CIMAP3: variants seen among roughly 807,000 people sequenced by gnomAD.
CIMAP3 encodes ciliary microtubule-associated protein 3.
At chr1:111,349,694 T>G in the CIMAP3 span, 1 of 155,176 alleles carries the variant, frequency 6.4e-6, no homozygotes, top group African/African-American at 2.4e-5. Flanking sequence ...TAACTGGCTT[T>G]GCTTTGCTTT....
At chr1:111,348,475 C>T in the CIMAP3 span, 1 of 1,543,452 alleles carries the variant, frequency 6.5e-7, no homozygotes, top group Non-Finnish European at 8.7e-7. Flanking sequence ...TATATATATA[C>T]ATATCACTCT....
At chr1:111,352,224 G>A in the CIMAP3 span, 1 of 152,492 alleles carries the variant, frequency 6.6e-6, no homozygotes. Flanking sequence ...CAAGTATATA[G>A]TTTGTTCAGG....
At chr1:111,348,875 G>A in the CIMAP3 span, 1 of 373,074 alleles carries the variant, frequency 2.7e-6, no homozygotes, top group Non-Finnish European at 4.7e-6. Context: ...AGTTTTGTAG[G>A]TTCGATAGAT....
At chr1:111,350,058 G>A in the CIMAP3 span, 2 of 1,485,820 alleles carry the variant, frequency 1.3e-6, no homozygotes, top group Non-Finnish European at 1.9e-6. Context: ...TGGAGTTTGT[G>A]TATGATCACT....
chr1:111,329,127 A>G, the CIMAP3 span, among the ~76,000 whole-genome samples: 17 of 152,152 alleles, frequency 1.1e-4, no homozygotes, highest in Non-Finnish European at 2.2e-4. Context: ...TGGATATGAA[A>G]TTCTTGGTTG....
At chr1:111,326,884 G>C in the CIMAP3 span, among the ~76,000 whole-genome samples, 1 of 151,978 alleles carries the variant, frequency 6.6e-6, no homozygotes, top group East Asian at 1.9e-4. Flanking sequence ...CCATTTCTTT[G>C]TCTTCTTTTG....
the CIMAP3 span, among the ~76,000 whole-genome samples, chr1:111,325,988 GAA>G: frequency 5.2e-4 from 79 of 152,190 alleles, no homozygotes; most frequent in African/African-American, 1.9e-3. Context: ...CCATTGAAAT[GAA>G]AAGAGGAAGA....
At chr1:111,348,377 T>C in the CIMAP3 span, 3 of 895,210 alleles carry the variant, frequency 3.4e-6, no homozygotes, top group African/African-American at 1.7e-5. Context: ...CGAAGACTTA[T>C]TTCTGTAGCT....
At chr1:111,335,127 CAAAAAAAAAAAAA>C in the CIMAP3 span, among the ~76,000 whole-genome samples, 1 of 29,318 alleles carries the variant, frequency 3.4e-5, no homozygotes, top group Non-Finnish European at 6.1e-5. Context: ...GTCTCTGTCT[CAAAAAAAAAAAAA>C]AAAAAAAAAA....
At chr1:111,346,640 C>T in the CIMAP3 span, 3 of 1,614,210 alleles carry the variant, frequency 1.9e-6, no homozygotes, top group Non-Finnish European at 2.5e-6. Flanking sequence ...AGTGCTAGCC[C>T]TAGCAGCTCG....
At chr1:111,336,456 T>A in the CIMAP3 span, among the ~76,000 whole-genome samples, 1 of 151,698 alleles carries the variant, frequency 6.6e-6, no homozygotes, top group African/African-American at 2.4e-5. Flanking sequence ...TTGAAAAAAA[T>A]TTAGAAGAAT....
the CIMAP3 span, chr1:111,346,684 G>A: frequency 6.2e-7 from 1 of 1,612,922 alleles, no homozygotes; most frequent in Non-Finnish European, 8.5e-7. Context: ...GAGGAGGGCT[G>A]CCGAGAAGCC....
At chr1:111,342,239 CA>C in the CIMAP3 span, among the ~76,000 whole-genome samples, 1 of 152,188 alleles carries the variant, frequency 6.6e-6, no homozygotes, top group Non-Finnish European at 1.5e-5. Context: ...GGAAACTATA[CA>C]GGCTAGGAGT....
the CIMAP3 span, chr1:111,350,201 A>G: frequency 4.8e-5 from 78 of 1,613,114 alleles, no homozygotes; most frequent in South Asian, 8.1e-4. Context: ...CCATGTCTAC[A>G]GAAAAGAACC....
At chr1:111,352,912 G>C in the CIMAP3 span, 2 of 152,148 alleles carry the variant, frequency 1.3e-5, no homozygotes, top group African/African-American at 4.8e-5. Flanking sequence ...ATAGTAATCT[G>C]ATTTGATGAA....
At chr1:111,335,153 AG>A in the CIMAP3 span, among the ~76,000 whole-genome samples, 130 of 76,646 alleles carry the variant, frequency 1.7e-3, 8 homozygotes, top group South Asian at 2.8e-3. Context: ...AAAAAAAAAA[AG>A]ACAGAAAAAA....
At chr1:111,332,591 G>T in the CIMAP3 span, among the ~76,000 whole-genome samples, 1 of 152,182 alleles carries the variant, frequency 6.6e-6, no homozygotes, top group Non-Finnish European at 1.5e-5. Flanking sequence ...GAGGTGATCT[G>T]TGGGGCTGGT....
At chr1:111,325,010 A>T in the CIMAP3 span, 13 of 526,574 alleles carry the variant, frequency 2.5e-5, no homozygotes, top group Admixed American at 7.0e-4. Context: ...CTGATTCTGG[A>T]TGGAGGCAGA....
At chr1:111,332,488 G>A in the CIMAP3 span, among the ~76,000 whole-genome samples, 1 of 152,176 alleles carries the variant, frequency 6.6e-6, no homozygotes, top group Admixed American at 6.5e-5. Context: ...GCTGACCTGG[G>A]GGCATTTCTG....
Sources: gnomAD v4.1 joint callset for allele counts (sites outside exome capture counted in the v4.1 genomes callset) on GRCh38, gnomAD v4.1.1 for gene constraint, MANE v1.5 for transcripts, NCBI Gene and HGNC (gene_info 2026-07-23, HGNC 2026-07-21) for gene names.